TIMM23: variants seen among roughly 807,000 people sequenced by gnomAD.
The protein encoded by TIMM23 is translocase of inner mitochondrial membrane 23.
A neutral mutation model predicts 30.7 loss-of-function variants in TIMM23; 19 were observed. That is an observed-to-expected ratio of 0.62 (90% CI 0.43 to 0.91). The LOEUF (loss-of-function observed/expected upper bound fraction) is 0.91. Among genes scored for constraint, TIMM23 ranks in the 40% least tolerant of loss-of-function variants. TIMM23 has a pLI of 0.00. For missense variants in TIMM23, 202 were observed against 269.2 expected (o/e 0.75, Z 1.75); for synonymous variants, 78 against 98.5 (o/e 0.79, Z 1.23).
At chr10:45,979,983 A>T (rs1281330636) in intron 2 of TIMM23, among the ~76,000 whole-genome samples, 1 of 151,928 alleles carries the variant, frequency 6.6e-6, no homozygotes, top group Non-Finnish European at 1.5e-5. Context: ...GGGCTTATTA[A>T]GGTTAGACAT....
At chr10:45,993,883 A>G (rs1163963753) in intron 6 of TIMM23, among the ~76,000 whole-genome samples, 8 of 152,130 alleles carry the variant, frequency 5.3e-5, no homozygotes, top group East Asian at 1.9e-4. Flanking sequence ...GAAATGAACA[A>G]TGAAACACCG....
chr10:45,986,911 G>A (rs1340783085), intron 5 of TIMM23, among the ~76,000 whole-genome samples: 2 of 152,180 alleles, frequency 1.3e-5, no homozygotes, highest in African/African-American at 4.8e-5. Context: ...CTTCCTAGCG[G>A]TACTTTCTAG....
intron 1 of TIMM23, among the ~76,000 whole-genome samples, chr10:45,973,541 T>C (rs1264551356): frequency 3.9e-5 from 6 of 152,254 alleles, no homozygotes; most frequent in African/African-American, 1.4e-4. Flanking sequence ...CAACGAAATA[T>C]GTTCAGACTG....
At chr10:45,996,076 G>A (rs1838320092) in intron 6 of TIMM23, among the ~76,000 whole-genome samples, 1 of 148,656 alleles carries the variant, frequency 6.7e-6, no homozygotes, top group African/African-American at 2.6e-5. Flanking sequence ...AAACAGAAAT[G>A]TTAGGCCTGG....
At position 46,003,188 on chromosome 10, in the gene TIMM23, G is replaced by C; in HGVS notation, c.515-15G>C. Reference sequence around the variant, plus strand: ...TATACAGCTATTTCATTTTCCTTTTGTCTCTGTTTCCCAGGTGGTCTTCGA... The same window carrying C: ...TATACAGCTATTTCATTTTCCTTTTCTCTCTGTTTCCCAGGTGGTCTTCGA... On this transcript the variant is annotated splice_polypyrimidine_tract_variant and intron_variant, in intron 6 of 6. Transcript: ENST00000580018. The C allele has an allele frequency of 6.3e-7, 1 of 1,599,684 alleles. No homozygotes were observed. Among genetic ancestry groups the C allele is most frequent in the Non-Finnish European group, 8.6e-7 (1 of 1,167,300 alleles).
chr10:45,995,128 G>T (rs1183176321), intron 6 of TIMM23, among the ~76,000 whole-genome samples: 4 of 151,580 alleles, frequency 2.6e-5, no homozygotes, highest in African/African-American at 9.7e-5. Context: ...CTGTGACATA[G>T]AATTAATGAG....
At chr10:45,976,312 A>G (rs1452255313) in intron 2 of TIMM23, among the ~76,000 whole-genome samples, 2 of 143,854 alleles carry the variant, frequency 1.4e-5, no homozygotes, top group East Asian at 3.9e-4. Flanking sequence ...CCCTTTAATG[A>G]TTATAAAAAC....
chr10:45,980,353 C>G (rs1370076213), intron 2 of TIMM23, among the ~76,000 whole-genome samples: 1 of 151,964 alleles, frequency 6.6e-6, no homozygotes, highest in Non-Finnish European at 1.5e-5. Context: ...CCCACCTTGG[C>G]CTCCCAAAGT....
Position 45,996,310 on chromosome 10 carries a change from C to T in TIMM23, c.515-6893C>T, listed in dbSNP as rs1252095596. On this transcript the variant is annotated intron_variant, in intron 6 of 6. Coordinates refer to ENST00000580018, the MANE Select transcript of TIMM23 (RefSeq NM_006327.4). ...CTGGGAGGCAAGGCTTGCAGTGAGCCGAGATTACACCACTGCACTCCAGCC... is the reference window on the plus strand; with the variant it reads ...CTGGGAGGCAAGGCTTGCAGTGAGCTGAGATTACACCACTGCACTCCAGCC... 1.4e-5 allele frequency among the ~76,000 whole-genome samples: 2 copies of T among 143,888 alleles called. 1 individual carries two copies. The highest frequency in any genetic ancestry group is 5.6e-5 in the African/African-American group (2 of 35,940). 94.4% of individuals were successfully genotyped at this position (143,888 alleles called of 152,430 possible). A position where few individuals can be genotyped will look rare whatever the true frequency, so the allele number is the denominator to read the frequency against.
chr10:45,993,717 T>A (rs1197931554), intron 6 of TIMM23, among the ~76,000 whole-genome samples: 1 of 149,048 alleles, frequency 6.7e-6, no homozygotes, highest in African/African-American at 2.5e-5. Flanking sequence ...ATAAAATGAA[T>A]AATGAAATGC....
intron 6 of TIMM23, among the ~76,000 whole-genome samples, chr10:45,999,555 A>G (rs955744715): frequency 6.6e-6 from 1 of 152,168 alleles, no homozygotes; most frequent in Non-Finnish European, 1.5e-5. Context: ...GTGTGCGAAT[A>G]GGTGTGGGTC....
intron 6 of TIMM23, chr10:46,002,471 C>A: frequency 1.0e-6 from 1 of 983,662 alleles, no homozygotes. Flanking sequence ...GCCTGGCCGT[C>A]ACTAATCTTC....
intron 6 of TIMM23, among the ~76,000 whole-genome samples, chr10:45,995,219 G>A (rs1838291987): frequency 6.6e-6 from 1 of 151,898 alleles, no homozygotes; most frequent in African/African-American, 2.4e-5. Context: ...ACTATGTTAT[G>A]TTACTACTGC....
intron 4 of TIMM23, chr10:45,984,483 CATT>C (rs1365599672): frequency 1.3e-5 from 2 of 152,326 alleles, no homozygotes; most frequent in African/African-American, 2.4e-5. Context: ...TGTTTGTAAA[CATT>C]ACTGATTTTT....
At chr10:45,973,495 A>G (rs1421321460) in intron 1 of TIMM23, among the ~76,000 whole-genome samples, 1 of 152,196 alleles carries the variant, frequency 6.6e-6, no homozygotes, top group Non-Finnish European at 1.5e-5. Flanking sequence ...AATCCTTGTA[A>G]TATTTCTCTA....
At chr10:45,998,081 T>G (rs1554917052) in intron 6 of TIMM23, among the ~76,000 whole-genome samples, 1 of 152,202 alleles carries the variant, frequency 6.6e-6, no homozygotes, top group Non-Finnish European at 1.5e-5. Flanking sequence ...GCCTGTTTAT[T>G]TGCTGTGAGA....
chr10:45,997,236 C>G (rs1374347640), intron 6 of TIMM23, among the ~76,000 whole-genome samples: 251 of 152,062 alleles, frequency 1.7e-3, no homozygotes, highest in African/African-American at 5.5e-3. Flanking sequence ...GTGGTATATA[C>G]ATAGAATAGA....
At position 46,003,597 on chromosome 10, in the gene TIMM23, A is replaced by G. The variant is rs1838625611; in HGVS notation, c.*279A>G. The G allele has an allele frequency of 3.6e-6, 1 of 276,076 alleles. No individual in the cohort carries two copies. The highest frequency in any genetic ancestry group is 5.0e-5 in the Admixed American group (1 of 20,178). The allele number at this position is 276,076 out of a possible 1,614,324, so 17.1% of individuals were successfully genotyped here. A position where few individuals can be genotyped will look rare whatever the true frequency, so the allele number is the denominator to read the frequency against. On this transcript the variant is annotated 3_prime_UTR_variant, in exon 7 of 7. Coordinates refer to ENST00000580018, the MANE Select transcript of TIMM23 (RefSeq NM_006327.4). ...TCTGTTTTCCTCCCCCATGAACTAG[A>G]AAACCACTTACTCCCAGAATTCAGG... is the stretch of plus-strand genomic sequence containing the variant.
Position 45,972,585 on chromosome 10 carries a change from T to C in TIMM23, c.-40T>C, listed in dbSNP as rs1837522413. On this transcript the variant is annotated 5_prime_UTR_variant, in exon 1 of 7. Coordinates refer to ENST00000580018, the MANE Select transcript of TIMM23 (RefSeq NM_006327.4). ...TAACGGCCCAGCGGACCACCCAGGC[T>C]TGAGGCAGCGGCGGGAACCACTCGG... is the stretch of plus-strand genomic sequence containing the variant. The C allele has an allele frequency of 6.2e-7, 1 of 1,605,396 alleles. No individual in the cohort carries two copies. Among genetic ancestry groups the C allele is most frequent in the African/African-American group, 1.3e-5 (1 of 74,678 alleles).
Sources: allele counts gnomAD v4.1 joint callset (sites outside exome capture counted in the v4.1 genomes callset), GRCh38; gene constraint gnomAD v4.1.1; transcripts MANE v1.5; gene names NCBI Gene and HGNC (gene_info 2026-07-23, HGNC 2026-07-21).